Variants in NPAS3 observed in about 807,000 individuals in gnomAD.
The protein encoded by NPAS3 is neuronal PAS domain protein 3, also known as neuronal PAS domain-containing protein 3.
NPAS3 carries 14 observed loss-of-function variants against 73.1 expected under a neutral mutation model. The ratio of observed to expected loss-of-function variants is 0.19; its 90% CI spans 0.13 to 0.30. NPAS3 has a LOEUF of 0.30. NPAS3 is among the 10% of genes least tolerant of loss of function. The probability of loss-of-function intolerance (pLI) is 1.00; values close to 1 mark genes in which losing one functional copy is unlikely to be tolerated. For missense variants in NPAS3, 1,096 were observed against 1,250.0 expected (o/e 0.88, Z 1.86); for synonymous variants, 620 against 541.5 (o/e 1.14, Z -2.01).
intron 9 of NPAS3, among the ~76,000 whole-genome samples, chr14:33,788,362 G>C (rs766748460): frequency 1.3e-5 from 2 of 152,220 alleles, no homozygotes; most frequent in African/African-American, 2.4e-5. Context: ...TCGGCTGTGT[G>C]AATGTGAAGG....
chr14:33,302,165 T>C (rs1356649854), intron 3 of NPAS3, among the ~76,000 whole-genome samples: 1 of 152,172 alleles, frequency 6.6e-6, no homozygotes, highest in African/African-American at 2.4e-5. Context: ...GGTTCTTGAT[T>C]TGGGAGGGAG....
chr14:33,191,204 A>T (rs1442902153), intron 2 of NPAS3, among the ~76,000 whole-genome samples: 1 of 152,202 alleles, frequency 6.6e-6, no homozygotes, highest in African/African-American at 2.4e-5. Context: ...CCCGAAGGTG[A>T]GTTCTTTCTG....
At chr14:33,571,875 C>T (rs1005549313) in intron 5 of NPAS3, among the ~76,000 whole-genome samples, 1 of 152,146 alleles carries the variant, frequency 6.6e-6, no homozygotes, top group Non-Finnish European at 1.5e-5. Flanking sequence ...AACAAGGGTA[C>T]TGAAGTGCTG....
chr14:33,287,815 G>A (rs1176721346), intron 3 of NPAS3, among the ~76,000 whole-genome samples: 2 of 152,134 alleles, frequency 1.3e-5, no homozygotes, highest in African/African-American at 4.8e-5. Context: ...ACTAGTTAAG[G>A]TTGAAATATG....
intron 3 of NPAS3, among the ~76,000 whole-genome samples, chr14:33,327,665 T>G (rs2043772548): frequency 6.6e-6 from 1 of 152,180 alleles, no homozygotes; most frequent in African/African-American, 2.4e-5. Context: ...GGAAGTTTCT[T>G]CATAGACAGG....
At chr14:33,245,398 C>A (rs1489569945) in intron 3 of NPAS3, among the ~76,000 whole-genome samples, 3 of 152,174 alleles carry the variant, frequency 2.0e-5, no homozygotes, top group African/African-American at 7.2e-5. Context: ...GATAATCTAT[C>A]TCCAGATCCA....
intron 9 of NPAS3, among the ~76,000 whole-genome samples, chr14:33,788,297 G>T (rs1227239087): frequency 6.6e-6 from 1 of 152,200 alleles, no homozygotes; most frequent in Non-Finnish European, 1.5e-5. Flanking sequence ...AGGAGGGGGT[G>T]AATGGCGCCA....
At chr14:33,289,028 A>G (rs769148103) in intron 3 of NPAS3, among the ~76,000 whole-genome samples, 8 of 152,174 alleles carry the variant, frequency 5.3e-5, no homozygotes, top group African/African-American at 1.7e-4. Flanking sequence ...AAGTGTAACT[A>G]TGTGTTTCCC....
intron 2 of NPAS3, among the ~76,000 whole-genome samples, chr14:33,115,496 G>T (rs112078237): frequency 6.6e-6 from 1 of 152,104 alleles, no homozygotes; most frequent in Non-Finnish European, 1.5e-5. Context: ...CTGAGATTAT[G>T]ATGGGTCACC....
At chr14:33,440,369 G>A (rs2049190589) in intron 4 of NPAS3, among the ~76,000 whole-genome samples, 1 of 152,136 alleles carries the variant, frequency 6.6e-6, no homozygotes, top group Non-Finnish European at 1.5e-5. Context: ...GTAAATTCTA[G>A]TGTCCAATTC....
rs527935860 is a variant in NPAS3 at position 33,091,877 on chromosome 14, A to G, written c.140+35883A>G. ...CAGAACCAATGACAAAAACCACATG[A>G]TTATCTCAATAGATGCAGAAAAGGC... On this transcript the variant is annotated intron_variant, in intron 2 of 11. Transcript: ENST00000356141. 2.6e-5 allele frequency among the ~76,000 whole-genome samples: 4 copies of G among 152,312 alleles called. No homozygotes were observed. In the East Asian group the frequency reaches 7.7e-4, roughly 29 times the overall value.
At chr14:33,284,526 AT>A (rs1352682121) in intron 3 of NPAS3, among the ~76,000 whole-genome samples, 1 of 152,140 alleles carries the variant, frequency 6.6e-6, no homozygotes, top group African/African-American at 2.4e-5. Flanking sequence ...TAGATGCTTG[AT>A]TTGAAGCCAC....
chr14:32,990,888 C>T (rs930125134), intron 1 of NPAS3, among the ~76,000 whole-genome samples: 3 of 151,824 alleles, frequency 2.0e-5, no homozygotes, highest in Non-Finnish European at 2.9e-5. Flanking sequence ...GATCATGCCA[C>T]TGCACTCCAG....
intron 1 of NPAS3, among the ~76,000 whole-genome samples, chr14:32,940,920 G>A (rs1315104650): frequency 2.6e-5 from 4 of 152,152 alleles, no homozygotes; most frequent in African/African-American, 7.2e-5. Context: ...ATATATCAGA[G>A]AGTAAATCAT....
chr14:33,356,304 C>T (rs1008649142), intron 3 of NPAS3, among the ~76,000 whole-genome samples: 4 of 152,198 alleles, frequency 2.6e-5, no homozygotes, highest in Non-Finnish European at 5.9e-5. Context: ...AAATTTTTGG[C>T]AAGTGATGCA....
At chr14:33,538,224 C>G (rs574197585) in intron 4 of NPAS3, among the ~76,000 whole-genome samples, 1 of 152,296 alleles carries the variant, frequency 6.6e-6, no homozygotes, top group East Asian at 1.9e-4. Context: ...CCATACAAGG[C>G]TTGTAGCTCA....
chr14:33,471,485 C>T (rs558989302), intron 4 of NPAS3, among the ~76,000 whole-genome samples: 5 of 152,226 alleles, frequency 3.3e-5, no homozygotes, highest in East Asian at 1.9e-4. Flanking sequence ...GAGTGGGAGT[C>T]GGGAGACAGC....
At chr14:33,234,068 T>C (rs1175670854) in intron 3 of NPAS3, among the ~76,000 whole-genome samples, 2 of 152,162 alleles carry the variant, frequency 1.3e-5, no homozygotes, top group African/African-American at 2.4e-5. Flanking sequence ...CACTAAAATA[T>C]GTTTTTAAGT....
intron 4 of NPAS3, among the ~76,000 whole-genome samples, chr14:33,506,348 A>C (rs1262069130): frequency 6.6e-6 from 1 of 151,686 alleles, no homozygotes; most frequent in South Asian, 2.1e-4. Flanking sequence ...TTAAAGGTAT[A>C]TAAATATATG....
Sources: gnomAD v4.1 joint callset for allele counts (sites outside exome capture counted in the v4.1 genomes callset) on GRCh38, gnomAD v4.1.1 for gene constraint, MANE v1.5 for transcripts, NCBI Gene and HGNC (gene_info 2026-07-23, HGNC 2026-07-21) for gene names.